Variants in TM9SF3 observed in about 807,000 individuals in gnomAD.
The protein encoded by TM9SF3 is transmembrane 9 superfamily member 3.
Under a neutral mutation model 78.6 loss-of-function variants are expected in TM9SF3, and 14 were observed. That is an observed-to-expected ratio of 0.18 (90% CI 0.12 to 0.28). The LOEUF (loss-of-function observed/expected upper bound fraction) is 0.28. Among genes scored for constraint, TM9SF3 ranks in the 10% least tolerant of loss-of-function variants. The probability of loss-of-function intolerance (pLI) is 1.00; values close to 1 mark genes in which losing one functional copy is unlikely to be tolerated. For missense variants in TM9SF3, 496 were observed against 721.9 expected (o/e 0.69, Z 3.59); for synonymous variants, 231 against 241.7 (o/e 0.96, Z 0.41).
chr10:96,570,744 G>GAA (rs58258718), intron 2 of TM9SF3, among the ~76,000 whole-genome samples: 1 of 151,698 alleles, frequency 6.6e-6, no homozygotes, highest in Non-Finnish European at 1.5e-5. Context: ...ACAACGGTGG[G>GAA]AAAAAAACAA....
At chr10:96,540,176 A>G (rs79927845) in intron 9 of TM9SF3, among the ~76,000 whole-genome samples, 2 of 152,132 alleles carry the variant, frequency 1.3e-5, no homozygotes, top group Admixed American at 1.3e-4. Flanking sequence ...TCCCTTTTCA[A>G]TTGAATCAGC....
intron 7 of TM9SF3, among the ~76,000 whole-genome samples, chr10:96,548,615 T>A (rs911899339): frequency 6.6e-6 from 1 of 151,670 alleles, no homozygotes; most frequent in Non-Finnish European, 1.5e-5. Context: ...CTGGCCAACA[T>A]GGCAAAACCC....
In TM9SF3 at chr10:96,528,110, G is replaced by C; in HGVS notation, c.1462C>G (p.Leu488Val). 3 of 1,612,892 alleles carry C rather than the reference G, an allele frequency of 1.9e-6. No homozygotes were observed. Among genetic ancestry groups the C allele is most frequent in the Non-Finnish European group, 2.5e-6 (3 of 1,179,150 alleles). Residue 488 changes from leucine to valine, a missense_variant, in exon 12 of 15, where the codon CTG (leucine) becomes GTG (valine). Leu to Val is a conservative substitution (Grantham distance 32, BLOSUM62 1). Around this residue, in one of 4 missense-constraint regions of TM9SF3, gnomAD observed 280 missense variants for 422.6 expected, o/e 0.66. Transcript: ENST00000371142. Reference protein sequence around the residue: ...YYVYGFMMLVLVILCIVTVCV... With the variant: ...YYVYGFMMLVVVILCIVTVCV... ...ACAGTCACAATGCACAGGATAACCA[G>C]CACCAGCATCATGAAGCCATAGACA...
intron 3 of TM9SF3, among the ~76,000 whole-genome samples, chr10:96,564,614 TCTG>T (rs1848348828): frequency 6.6e-6 from 1 of 152,214 alleles, no homozygotes; most frequent in South Asian, 2.1e-4. Context: ...ATGACAGTAA[TCTG>T]CTAACAATTT....
chr10:96,546,714 A>G (rs1430134497), intron 8 of TM9SF3, among the ~76,000 whole-genome samples: 1 of 152,192 alleles, frequency 6.6e-6, no homozygotes, highest in Non-Finnish European at 1.5e-5. Context: ...GGTACAGGTC[A>G]CATTAAGTCT....
chr10:96,520,635 A>G lies in TM9SF3; in HGVS notation c.*1628T>C, dbSNP rs924798259. 24 of 364,954 alleles carry G rather than the reference A, an allele frequency of 6.6e-5. No individual in the cohort carries two copies. The highest frequency in any genetic ancestry group is 1.5e-4 in the South Asian group (1 of 6,750). 22.6% of individuals were successfully genotyped at this position (364,954 alleles called of 1,614,324 possible). ...AACTCAGTGGTTCTAGGAAAACTTCATATTATGAATAGTTCCAGAAAAATG... is the reference window on the plus strand; with the variant it reads ...AACTCAGTGGTTCTAGGAAAACTTCGTATTATGAATAGTTCCAGAAAAATG... On this transcript the variant is annotated 3_prime_UTR_variant, in exon 15 of 15. Coordinates refer to ENST00000371142, the MANE Select transcript of TM9SF3 (RefSeq NM_020123.4).
intron 14 of TM9SF3, among the ~76,000 whole-genome samples, chr10:96,523,215 A>G (rs998630473): frequency 5.9e-5 from 9 of 151,832 alleles, no homozygotes; most frequent in Non-Finnish European, 1.2e-4. Context: ...CAGAGAAGAA[A>G]TCTCCATTGG....
At chr10:96,544,689 GTTTCATGTAAGT>G (rs1254251166) in intron 8 of TM9SF3, among the ~76,000 whole-genome samples, 1 of 151,930 alleles carries the variant, frequency 6.6e-6, no homozygotes. Flanking sequence ...ACACATTGGA[GTTTCATGTAAGT>G]TTTCATTTGA....
intron 4 of TM9SF3, 105 bp downstream of exon 4, chr10:96,561,873 C>T: frequency 1.1e-6 from 1 of 890,510 alleles, no homozygotes; most frequent in Non-Finnish European, 1.7e-6. Context: ...TATTCTGTTG[C>T]ATCCCATTTC....
intron 3 of TM9SF3, among the ~76,000 whole-genome samples, chr10:96,563,107 ACT>A (rs1345617163): frequency 2.0e-5 from 3 of 152,166 alleles, no homozygotes; most frequent in East Asian, 3.9e-4. Context: ...AAGGTCTCAC[ACT>A]CTGTCACCCA....
At chr10:96,562,290 C>T (rs1848319388) in intron 3 of TM9SF3, 152 bp from the exon 4 acceptor site, 4 of 644,546 alleles carry the variant, frequency 6.2e-6, no homozygotes, top group Non-Finnish European at 1.0e-5. Context: ...TCACCTTCTG[C>T]CATGATTGTA....
In TM9SF3 at chr10:96,576,611, A is replaced by T; in HGVS notation, c.298+23T>A. ...TTGTCTACAATCCAAATTGCATTGT[A>T]AGGACTATTAAGGTTTACTTACCTT... On this transcript the variant is annotated intron_variant, in intron 2 of 14. Coordinates refer to ENST00000371142, the MANE Select transcript of TM9SF3 (RefSeq NM_020123.4). 1.9e-6 allele frequency: 3 copies of T among 1,546,512 alleles called. No homozygotes were observed. In the South Asian group the frequency reaches 3.8e-5, roughly 19 times the overall value.
chr10:96,529,489 T>C (rs1297290333), intron 11 of TM9SF3, among the ~76,000 whole-genome samples: 1 of 152,202 alleles, frequency 6.6e-6, no homozygotes, highest in South Asian at 2.1e-4. Flanking sequence ...GGGACAAATG[T>C]ACAAATCTAG....
At chr10:96,575,729 C>CAA (rs76895654) in intron 2 of TM9SF3, among the ~76,000 whole-genome samples, 2 of 126,590 alleles carry the variant, frequency 1.6e-5, no homozygotes, top group African/African-American at 5.8e-5. Context: ...AATACAGTAC[C>CAA]AAAAAAAAAA....
intron 2 of TM9SF3, among the ~76,000 whole-genome samples, chr10:96,570,019 C>T (rs534240240): frequency 6.6e-6 from 1 of 151,880 alleles, no homozygotes; most frequent in South Asian, 2.1e-4. Context: ...GAGACTCCGT[C>T]TCAAAAAAAA....
In TM9SF3 at chr10:96,576,757, T is replaced by C; in HGVS notation, c.175A>G (p.Lys59Glu). The C allele has an allele frequency of 6.2e-7, 1 of 1,608,330 alleles. No homozygotes were observed. The highest frequency in any genetic ancestry group is 8.5e-7 in the Non-Finnish European group (1 of 1,177,758). Residue 59 changes from lysine (K) to glutamate (E), a missense_variant, in exon 2 of 15, where the codon AAG becomes GAG. Coordinates refer to ENST00000371142, the MANE Select transcript of TM9SF3 (RefSeq NM_020123.4). The stretch of plus-strand genomic sequence containing the variant: ...ACACAGAATGGAAGTGAAAAGTACT[T>C]ATATGTTTCTTGACGATTATGGTAG... The part of the protein sequence containing the change: ...GPYHNRQETY[K>E]YFSLPFCVGS...
At chr10:96,522,798 T>C (rs376839802) in intron 14 of TM9SF3, among the ~76,000 whole-genome samples, 14 of 151,878 alleles carry the variant, frequency 9.2e-5, no homozygotes, top group African/African-American at 3.1e-4. Flanking sequence ...CCAATAGCAG[T>C]TGAAGCTCTA....
intron 2 of TM9SF3, among the ~76,000 whole-genome samples, chr10:96,569,991 C>T (rs1053151840): frequency 7.9e-5 from 12 of 152,138 alleles, no homozygotes; most frequent in African/African-American, 2.9e-4. Context: ...GCACCGCAAT[C>T]CAGCCTAGCA....
intron 2 of TM9SF3, among the ~76,000 whole-genome samples, chr10:96,576,100 T>A (rs1172428064): frequency 6.6e-6 from 1 of 152,198 alleles, no homozygotes; most frequent in Non-Finnish European, 1.5e-5. Context: ...AGTTTGAATT[T>A]GAGGCGTCAC....
Sources: gnomAD v4.1 joint callset for allele counts (sites outside exome capture counted in the v4.1 genomes callset) on GRCh38, gnomAD v4.1.1 for gene constraint, gnomAD v4.1.1 regional missense constraint, MANE v1.5 for transcripts, NCBI Gene and HGNC (gene_info 2026-07-23, HGNC 2026-07-21) for gene names.